SPRED1: variants seen among roughly 807,000 people sequenced by gnomAD.
The protein encoded by SPRED1 is sprouty related EVH1 domain containing 1, also known as sprouty-related, EVH1 domain-containing protein 1.
In SPRED1, 18 loss-of-function variants were observed where a neutral mutation model predicts 52.3. The observed-to-expected ratio is 0.34, with a 90% CI of 0.24 to 0.51. SPRED1 has a LOEUF of 0.51. Ranked by LOEUF, SPRED1 falls within the 20% of genes least tolerant of loss-of-function variation. SPRED1 has a pLI of 0.97. For missense variants in SPRED1, 485 were observed against 551.0 expected (o/e 0.88, Z 1.20); for synonymous variants, 155 against 179.7 (o/e 0.86, Z 1.10).
chr15:38,298,630 CT>C (rs1895087998), intron 1 of SPRED1: 1 of 238,516 alleles, frequency 4.2e-6, no homozygotes, highest in Non-Finnish European at 8.3e-6. Context: ...GGCAAAATCT[CT>C]GTGTTCGGCA....
At chr15:38,259,000 C>T (rs1355365931) in intron 1 of SPRED1, among the ~76,000 whole-genome samples, 2 of 152,056 alleles carry the variant, frequency 1.3e-5, no homozygotes, top group Non-Finnish European at 2.9e-5. Flanking sequence ...ATCATATGTG[C>T]CCTTCCTTTG....
rs554166901 is a variant in SPRED1, at chr15:38,302,981, G to T, written c.207+3434G>T. The stretch of plus-strand genomic sequence containing the variant: ...AATAGCGACCATCGTGGCTAACACA[G>T]TGAAACCTCATCTCTACTAAAAATA... On this transcript the variant is annotated intron_variant, in intron 2 of 6. Transcript: ENST00000299084. Among the ~76,000 whole-genome samples the T allele has an allele frequency of 1.9e-4, 29 of 152,128 alleles. No homozygotes were observed. In the South Asian group the frequency reaches 5.8e-3, roughly 31 times the overall value.
rs373463622 is a variant in SPRED1, at chr15:38,310,153, G to GTGTTTTTT, written c.207+10607_207+10608insGTTTTTTT. ...TGTGTGTGTGTGTGTGTGTGTGTGT[G>GTGTTTTTT]TTTGGAGACGAAGTTTCGCTCTTGT... On this transcript the variant is annotated intron_variant, in intron 2 of 6. Transcript: ENST00000299084. Among the ~76,000 whole-genome samples, 16 of 132,266 alleles carry GTGTTTTTT rather than the reference G, an allele frequency of 1.2e-4. 1 individual carries two copies. The East Asian group carries it at 2.5e-3, about 21-fold the overall frequency. The allele number at this position is 132,266 out of a possible 152,430, so 86.8% of individuals were successfully genotyped here. A position where few individuals can be genotyped will look rare whatever the true frequency, so the allele number is the denominator to read the frequency against.
intron 1 of SPRED1, among the ~76,000 whole-genome samples, chr15:38,257,965 T>G (rs1894133551): frequency 6.6e-6 from 1 of 152,210 alleles, no homozygotes; most frequent in Non-Finnish European, 1.5e-5. Flanking sequence ...GGGAAATGAT[T>G]GGTAAAGACA....
At chr15:38,284,746 T>G (rs1894769575) in intron 1 of SPRED1, among the ~76,000 whole-genome samples, 1 of 152,190 alleles carries the variant, frequency 6.6e-6, no homozygotes. Context: ...TTCTACAGAT[T>G]TGATGTTCCT....
intron 2 of SPRED1, among the ~76,000 whole-genome samples, chr15:38,310,808 G>C (rs1443516588): frequency 6.6e-6 from 1 of 152,004 alleles, no homozygotes; most frequent in Non-Finnish European, 1.5e-5. Flanking sequence ...ATTTTCATTT[G>C]TTGTTCTTGT....
intron 2 of SPRED1, among the ~76,000 whole-genome samples, chr15:38,317,907 G>A (rs1423778253): frequency 1.4e-5 from 2 of 147,550 alleles, no homozygotes; most frequent in African/African-American, 5.0e-5. Context: ...ACTATACATT[G>A]TGTTTAGTAT....
intron 3 of SPRED1, 23 bp from the exon 4 acceptor site, chr15:38,324,738 AAT>A: frequency 1.3e-6 from 2 of 1,573,820 alleles, no homozygotes; most frequent in South Asian, 1.2e-5. Context: ...TTCTATACTT[AAT>A]TAACTTTTAT....
intron 1 of SPRED1, among the ~76,000 whole-genome samples, chr15:38,257,484 A>G (rs990622705): frequency 6.6e-6 from 1 of 152,196 alleles, no homozygotes; most frequent in Admixed American, 6.5e-5. Flanking sequence ...AGAAAAGACA[A>G]AAATTGGCCT....
chr15:38,293,809 G>C (rs1894974662), intron 1 of SPRED1, among the ~76,000 whole-genome samples: 1 of 151,912 alleles, frequency 6.6e-6, no homozygotes. Context: ...CTTCGTATTG[G>C]TTCTTAAATA....
At chr15:38,291,687 G>A (rs1894927013) in intron 1 of SPRED1, among the ~76,000 whole-genome samples, 1 of 152,222 alleles carries the variant, frequency 6.6e-6, no homozygotes, top group Non-Finnish European at 1.5e-5. Flanking sequence ...TGAAGCAACA[G>A]CTTGAGCTCT....
chr15:38,351,608 C>A lies in SPRED1; in HGVS notation c.1279C>A (p.His427Asn). Residue 427 changes from histidine to asparagine, a missense_variant, in exon 7 of 7, where the codon CAT (histidine) becomes AAT (asparagine). Transcript: ENST00000299084. ...MCCYVPLRMC[H>N]RCGEACGCCG... ...CTGCTACGTCCCTTTGAGAATGTGCCATCGCTGTGGTGAGGCATGTGGTTG... is the reference window on the plus strand; with the variant it reads ...CTGCTACGTCCCTTTGAGAATGTGCAATCGCTGTGGTGAGGCATGTGGTTG... The A allele has an allele frequency of 1.9e-6, 3 of 1,614,048 alleles. No homozygotes were observed. The highest frequency in any genetic ancestry group is 2.5e-6 in the Non-Finnish European group (3 of 1,179,994).
At chr15:38,342,365 T>A (rs1200931636) in intron 5 of SPRED1, among the ~76,000 whole-genome samples, 1 of 152,038 alleles carries the variant, frequency 6.6e-6, no homozygotes, top group Non-Finnish European at 1.5e-5. Flanking sequence ...TCAGTTTACC[T>A]CCCTTTTACC....
intron 1 of SPRED1, among the ~76,000 whole-genome samples, chr15:38,256,897 A>G (rs1894110031): frequency 6.6e-6 from 1 of 152,160 alleles, no homozygotes; most frequent in Non-Finnish European, 1.5e-5. Context: ...ATATTAAGCC[A>G]TCTAATGTTT....
At chr15:38,280,879 C>A (rs542757274) in intron 1 of SPRED1, among the ~76,000 whole-genome samples, 1 of 152,274 alleles carries the variant, frequency 6.6e-6, no homozygotes, top group Admixed American at 6.5e-5. Flanking sequence ...AGTGGGTGAG[C>A]CTAGCTCATC....
chr15:38,327,404 A>G (rs1895727189), intron 4 of SPRED1, among the ~76,000 whole-genome samples: 1 of 152,062 alleles, frequency 6.6e-6, no homozygotes, highest in Non-Finnish European at 1.5e-5. Flanking sequence ...CTAGGGACTC[A>G]CTTCTACCAC....
chr15:38,261,995 ACT>A (rs1491534390), intron 1 of SPRED1, among the ~76,000 whole-genome samples: 16 of 61,716 alleles, frequency 2.6e-4, no homozygotes, highest in South Asian at 2.6e-3. Context: ...CAGTCACCAA[ACT>A]CTTTTTTTTT....
chr15:38,328,424 T>C (rs1214409755), intron 4 of SPRED1, among the ~76,000 whole-genome samples: 1 of 152,206 alleles, frequency 6.6e-6, no homozygotes, highest in African/African-American at 2.4e-5. Flanking sequence ...CTTTCAACAA[T>C]TAATGTCTTC....
rs1432493273 is a variant in SPRED1 at position 38,353,594 on chromosome 15, G to A, written c.*1930G>A. ...ATATTTGAATGCTGCTACAACAGATGATCTTCATCCCTGAAGTTTTCAGCT... is the reference window on the plus strand; with the variant it reads ...ATATTTGAATGCTGCTACAACAGATAATCTTCATCCCTGAAGTTTTCAGCT... On this transcript the variant is annotated 3_prime_UTR_variant, in exon 7 of 7. Coordinates refer to ENST00000299084, the MANE Select transcript of SPRED1 (RefSeq NM_152594.3). 6.6e-6 allele frequency: 1 copy of A among 152,506 alleles called. No individual in the cohort carries two copies. Among genetic ancestry groups the A allele is most frequent in the Non-Finnish European group, 1.5e-5 (1 of 67,944 alleles). The allele number at this position is 152,506 out of a possible 1,614,324, so 9.4% of individuals were successfully genotyped here. A position where few individuals can be genotyped will look rare whatever the true frequency, so the allele number is the denominator to read the frequency against.
Sources: gnomAD v4.1 joint callset for allele counts (sites outside exome capture counted in the v4.1 genomes callset) on GRCh38, gnomAD v4.1.1 for gene constraint, MANE v1.5 for transcripts, NCBI Gene and HGNC (gene_info 2026-07-23, HGNC 2026-07-21) for gene names.